ALMS1: variants seen among roughly 807,000 people sequenced by gnomAD.
The protein encoded by ALMS1 is ALMS1 centrosome and basal body associated protein.
In ALMS1, 271 loss-of-function variants were observed where a neutral mutation model predicts 352.2. The ratio of observed to expected loss-of-function variants is 0.77; its 90% CI spans 0.70 to 0.85. The LOEUF (loss-of-function observed/expected upper bound fraction) is 0.85, where lower values mean the gene tolerates loss of function less well. Among genes scored for constraint, ALMS1 ranks in the 40% least tolerant of loss-of-function variants. The pLI is 0.00. For missense variants in ALMS1, 5,445 were observed against 4,870.7 expected (o/e 1.12, Z -3.51); for synonymous variants, 1,865 against 1,761.2 (o/e 1.06, Z -1.48).
intron 12 of ALMS1, 37 bp downstream of exon 12, chr2:73,534,986 A>G (rs1673997003): frequency 6.2e-7 from 1 of 1,612,104 alleles, no homozygotes; most frequent in Non-Finnish European, 8.5e-7. Context: ...TTATTGTTTG[A>G]TATTTTATTT....
intron 9 of ALMS1, among the ~76,000 whole-genome samples, chr2:73,471,667 A>G (rs898805442): frequency 1.3e-5 from 2 of 151,896 alleles, no homozygotes; most frequent in Non-Finnish European, 2.9e-5. Context: ...CAATGACTGA[A>G]CACTTCATAT....
chr2:73,391,590 G>A (rs1279724647), intron 1 of ALMS1, among the ~76,000 whole-genome samples: 7 of 152,082 alleles, frequency 4.6e-5, no homozygotes, highest in African/African-American at 1.7e-4. Flanking sequence ...ACCGTGCCTG[G>A]CCTTGTATAC....
At chr2:73,389,564 TTAATC>T (rs1244454703) in intron 1 of ALMS1, among the ~76,000 whole-genome samples, 19 of 152,234 alleles carry the variant, frequency 1.2e-4, no homozygotes, top group Admixed American at 1.2e-3. Flanking sequence ...ATTTAAATCT[TTAATC>T]TATCTTGAGT....
chr2:73,592,419 T>C (rs952964166), intron 16 of ALMS1, among the ~76,000 whole-genome samples: 2 of 152,232 alleles, frequency 1.3e-5, no homozygotes, highest in Admixed American at 6.5e-5. Flanking sequence ...AAAATATACT[T>C]GCTGTTTGAT....
chr2:73,540,619 C>T (rs1272961108), intron 12 of ALMS1, among the ~76,000 whole-genome samples: 5 of 152,146 alleles, frequency 3.3e-5, no homozygotes, highest in African/African-American at 7.2e-5. Context: ...GTGCTGTATT[C>T]AGGAAACCCA....
At chr2:73,436,566 T>G (rs975728031) in intron 7 of ALMS1, among the ~76,000 whole-genome samples, 3 of 152,212 alleles carry the variant, frequency 2.0e-5, no homozygotes, top group Non-Finnish European at 2.9e-5. Context: ...AGCCTTTGTT[T>G]GTTTTTGTTT....
chr2:73,391,294 C>CTTTTTTTTTTTTTTTTTTTTTTTTT (rs397972016), intron 1 of ALMS1, among the ~76,000 whole-genome samples: 1 of 114,990 alleles, frequency 8.7e-6, no homozygotes, highest in African/African-American at 4.1e-5. Flanking sequence ...ACGTTTTATT[C>CTTTTTTTTTTTTTTTTTTTTTTTTT]TTTTTTTTTT....
intron 1 of ALMS1, among the ~76,000 whole-genome samples, chr2:73,408,103 T>C (rs1671006296): frequency 6.6e-6 from 1 of 152,240 alleles, no homozygotes; most frequent in African/African-American, 2.4e-5. Flanking sequence ...CAAGAACCAG[T>C]CCCTGAACCA....
intron 15 of ALMS1, among the ~76,000 whole-genome samples, chr2:73,564,042 C>CTG (rs370319620): frequency 2.0e-5 from 3 of 150,612 alleles, no homozygotes; most frequent in Non-Finnish European, 4.4e-5. Flanking sequence ...GTGTGTGTGG[C>CTG]TGTGTGTGTG....
chr2:73,608,427 C>G (rs377484301), intron 21 of ALMS1, 48 bp from the exon 22 acceptor site: 1 of 1,470,282 alleles, frequency 6.8e-7, no homozygotes. Flanking sequence ...GACTCTGCAC[C>G]CTGGTAACCT....
At chr2:73,563,940 T>G (rs1460888970) in intron 15 of ALMS1, among the ~76,000 whole-genome samples, 2 of 151,796 alleles carry the variant, frequency 1.3e-5, no homozygotes, top group African/African-American at 4.8e-5. Context: ...CACACATAAT[T>G]AGCTTATGAC....
chr2:73,399,468 C>G (rs1670827999), intron 1 of ALMS1, among the ~76,000 whole-genome samples: 1 of 151,922 alleles, frequency 6.6e-6, no homozygotes, highest in African/African-American at 2.4e-5. Flanking sequence ...GCAGGCGTCT[C>G]ACATGGCGAG....
intron 9 of ALMS1, chr2:73,470,867 G>A (rs1273310586): frequency 6.6e-6 from 1 of 151,530 alleles, no homozygotes; most frequent in Non-Finnish European, 1.5e-5. Context: ...TTGTCTCTTG[G>A]GATGGTTTTT....
intron 16 of ALMS1, among the ~76,000 whole-genome samples, chr2:73,587,214 A>T (rs890969521): frequency 1.3e-5 from 2 of 152,176 alleles, no homozygotes; most frequent in African/African-American, 4.8e-5. Flanking sequence ...CAGTCATATC[A>T]TCGGTGAACA....
chr2:73,600,773 A>T lies in ALMS1; in HGVS notation c.11764A>T (p.Asn3922Tyr), dbSNP rs45486496. ...TTCCAGCGAGGCTAAATTGGAAGAG[A>T]ACAGTGATGTGACTTCTTGGTCAGA... ...PSSSEAKLEE[N>Y]SDVTSWSEEK... Residue 3922 changes from asparagine (N) to tyrosine (Y), a missense_variant, in exon 18 of 23, where the codon AAC (asparagine) becomes TAC (tyrosine). Transcript: ENST00000613296. 4.3e-6 allele frequency: 7 copies of T among 1,614,218 alleles called. No individual in the cohort carries two copies. Among genetic ancestry groups the T allele is most frequent in the Non-Finnish European group, 5.9e-6 (7 of 1,180,028 alleles).
chr2:73,551,222 C>T (rs1489312186), intron 13 of ALMS1, among the ~76,000 whole-genome samples: 1 of 151,888 alleles, frequency 6.6e-6, no homozygotes, highest in Admixed American at 6.6e-5. Flanking sequence ...TTTTGATTTT[C>T]CTTGAAAAAT....
chr2:73,464,140 C>T (rs556126783), intron 9 of ALMS1, among the ~76,000 whole-genome samples: 2 of 151,976 alleles, frequency 1.3e-5, no homozygotes, highest in Admixed American at 6.5e-5. Flanking sequence ...GAGACACAAC[C>T]AAAAAAGAGA....
intron 16 of ALMS1, among the ~76,000 whole-genome samples, chr2:73,582,101 A>T (rs1018034729): frequency 7.9e-5 from 12 of 152,032 alleles, no homozygotes; most frequent in African/African-American, 1.9e-4. Flanking sequence ...AGTTTTTTTT[A>T]AATTTGCATT....
intron 9 of ALMS1, among the ~76,000 whole-genome samples, chr2:73,482,181 T>G (rs1672723044): frequency 6.6e-6 from 1 of 152,202 alleles, no homozygotes; most frequent in Non-Finnish European, 1.5e-5. Flanking sequence ...TGCTTCCAGT[T>G]TTTGGGCATT....
Sources: allele counts gnomAD v4.1 joint callset (sites outside exome capture counted in the v4.1 genomes callset), GRCh38; gene constraint gnomAD v4.1.1; transcripts MANE v1.5; gene names NCBI Gene and HGNC (gene_info 2026-07-23, HGNC 2026-07-21).